The following SIRPG variants were observed in gnomAD, a reference collection of about 807,000 sequenced individuals.
The protein encoded by SIRPG is signal regulatory protein gamma.
Under a neutral mutation model 35.7 loss-of-function variants are expected in SIRPG, and 38 were observed. The observed-to-expected ratio is 1.06, with a 90% CI of 0.82 to 1.40. SIRPG has a LOEUF of 1.40. Among genes scored for constraint, SIRPG ranks in the 40% most tolerant of loss-of-function variants. The pLI is 0.00. For missense variants in SIRPG, 519 were observed against 483.0 expected, an observed-to-expected ratio of 1.07 and a Z score of -0.70; for synonymous variants, 215 against 190.4, an observed-to-expected ratio of 1.13 and a Z score of -1.06.
intron 4 of SIRPG, among the ~76,000 whole-genome samples, chr20:1,633,920 T>C (rs2091770400): frequency 6.6e-6 from 1 of 152,218 alleles, no homozygotes; most frequent in South Asian, 2.1e-4. Flanking sequence ...ATACTGACCT[T>C]GTCCTCAGGG....
the SIRPG span, among the ~76,000 whole-genome samples, chr20:1,671,586 A>G: frequency 6.6e-6 from 1 of 152,174 alleles, no homozygotes; most frequent in African/African-American, 2.4e-5. Flanking sequence ...ATACATAGAA[A>G]GTATAGAGGT....
rs1446351474 is a variant in SIRPG at position 1,636,420 on chromosome 20, G to A, written c.516C>T (p.Gly172=). The change falls in exon 3 of 6, where the codon GGC becomes GGT. Residue 172 remains glycine, a synonymous_variant. Transcript: ENST00000303415. ...HTVSFTCESH[G]FSPRDITLKW... ...TCAGGGTGATGTCTCTGGGAGAGAA[G>A]CCATGGGACTCACAGGTGAAACTCA... is the stretch of plus-strand genomic sequence containing the variant. 1 of 1,614,226 alleles carries A rather than the reference G, an allele frequency of 6.2e-7. No homozygotes were observed. The highest frequency in any genetic ancestry group is 1.7e-5 in the Admixed American group (1 of 60,030).
chr20:1,638,780 C>T, intron 2 of SIRPG, among the ~76,000 whole-genome samples: 1 of 144,316 alleles, frequency 6.9e-6, no homozygotes, highest in East Asian at 2.1e-4. Context: ...ACCCCCCCAC[C>T]CCTTGACTGG....
At chr20:1,674,883 G>A in the SIRPG span, among the ~76,000 whole-genome samples, 1 of 152,148 alleles carries the variant, frequency 6.6e-6, no homozygotes, top group Non-Finnish European at 1.5e-5. Context: ...AGGAAACTGA[G>A]GCTGAGAGAA....
chr20:1,637,678 T>C (rs2091815190), intron 2 of SIRPG: 1 of 152,230 alleles, frequency 6.6e-6, no homozygotes, highest in Non-Finnish European at 1.5e-5. Context: ...TCTTGGAATC[T>C]AGGTCTTCAG....
At chr20:1,668,188 T>TC in the SIRPG span, among the ~76,000 whole-genome samples, 217 of 63,450 alleles carry the variant, frequency 3.4e-3, 1 homozygote, top group East Asian at 8.4e-3. Context: ...TCTTTCTTTC[T>TC]TTTTCTTTTC....
the SIRPG span, among the ~76,000 whole-genome samples, chr20:1,668,151 T>TTTTCTTTTCTTTTCTTTTCTTTTCTTTC: frequency 6.0e-5 from 8 of 132,792 alleles, no homozygotes; most frequent in African/African-American, 2.5e-4. Flanking sequence ...TCTTTTCTTT[T>TTTTCTTTTCTTTTCTTTTCTTTTCTTTC]TTTCTTTTCT....
the SIRPG span, among the ~76,000 whole-genome samples, chr20:1,663,179 G>T: frequency 3.3e-5 from 5 of 152,224 alleles, no homozygotes; most frequent in African/African-American, 7.2e-5. Flanking sequence ...CGGGCGTGGT[G>T]GTGGGCGCCT....
chr20:1,654,351 G>A (rs569622981), intron 1 of SIRPG, among the ~76,000 whole-genome samples: 2 of 151,874 alleles, frequency 1.3e-5, no homozygotes, highest in South Asian at 4.2e-4. Context: ...GAGATATATA[G>A]ACCAATGGAT....
At chr20:1,681,273 G>A in the SIRPG span, among the ~76,000 whole-genome samples, 1 of 152,186 alleles carries the variant, frequency 6.6e-6, no homozygotes, top group Admixed American at 6.5e-5. Flanking sequence ...GAAATCTCAT[G>A]GAATAGAATC....
chr20:1,672,636 C>T, the SIRPG span, among the ~76,000 whole-genome samples: 2 of 152,228 alleles, frequency 1.3e-5, no homozygotes, highest in African/African-American at 4.8e-5. Flanking sequence ...CTTTCCCGCA[C>T]TGCTGTATGA....
the SIRPG span, among the ~76,000 whole-genome samples, chr20:1,682,070 A>G: frequency 2.0e-5 from 3 of 152,178 alleles, no homozygotes; most frequent in East Asian, 5.8e-4. Flanking sequence ...GGGAACACTA[A>G]TAGAGTAATG....
At chr20:1,635,154 C>T in intron 4 of SIRPG, 113 bp downstream of exon 4, 1 of 817,482 alleles carries the variant, frequency 1.2e-6, no homozygotes, top group Non-Finnish European at 1.9e-6. Context: ...ATGGAGCTGA[C>T]ATTAAAATTT....
At chr20:1,673,308 AC>A in the SIRPG span, among the ~76,000 whole-genome samples, 1 of 151,366 alleles carries the variant, frequency 6.6e-6, no homozygotes, top group Non-Finnish European at 1.5e-5. Flanking sequence ...AATCTTTTTA[AC>A]CCCCCTCCAT....
intron 1 of SIRPG, among the ~76,000 whole-genome samples, chr20:1,657,051 A>G (rs1222589588): frequency 2.0e-5 from 3 of 152,116 alleles, no homozygotes; most frequent in Non-Finnish European, 2.9e-5. Flanking sequence ...TGATGTTCTC[A>G]TAAGAGAAAA....
At chr20:1,663,882 CGT>C in the SIRPG span, among the ~76,000 whole-genome samples, 7 of 152,116 alleles carry the variant, frequency 4.6e-5, no homozygotes, top group Non-Finnish European at 1.0e-4. Flanking sequence ...TCTTAGTCCA[CGT>C]GTGTTGCTAT....
the SIRPG span, among the ~76,000 whole-genome samples, chr20:1,675,019 C>A: frequency 6.6e-6 from 1 of 152,150 alleles, no homozygotes; most frequent in Non-Finnish European, 1.5e-5. Flanking sequence ...ACTGCACACC[C>A]AATTGTCCCT....
chr20:1,663,186 G>A, the SIRPG span, among the ~76,000 whole-genome samples: 34 of 152,166 alleles, frequency 2.2e-4, no homozygotes, highest in South Asian at 8.3e-4. Context: ...GGTGGTGGGC[G>A]CCTGTAGTCC....
At chr20:1,675,580 T>A in the SIRPG span, among the ~76,000 whole-genome samples, 1 of 152,172 alleles carries the variant, frequency 6.6e-6, no homozygotes, top group East Asian at 1.9e-4. Context: ...TCAGGCTGGG[T>A]TGGGATCAGA....
Sources: allele counts gnomAD v4.1 joint callset (sites outside exome capture counted in the v4.1 genomes callset), GRCh38; gene constraint gnomAD v4.1.1; transcripts MANE v1.5; gene names NCBI Gene and HGNC (gene_info 2026-07-23, HGNC 2026-07-21).